CAPN14: variants seen among roughly 807,000 people sequenced by gnomAD.
CAPN14 encodes the protein calpain-14.
CAPN14 carries 94 observed loss-of-function variants against 101.3 expected under a neutral mutation model. The ratio of observed to expected loss-of-function variants is 0.93; its 90% confidence interval spans 0.79 to 1.10. CAPN14 has a LOEUF of 1.10. Ranked by LOEUF, CAPN14 falls within the 50% of genes least tolerant of loss-of-function variation. The pLI, the probability that CAPN14 is intolerant of heterozygous loss-of-function variation, is 0.00. For missense variants in CAPN14, 837 were observed against 828.4 expected, an observed-to-expected ratio of 1.01 and a Z score of -0.13; for synonymous variants, 338 against 317.9, an observed-to-expected ratio of 1.06 and a Z score of -0.67.
upstream of CAPN14, among the ~76,000 whole-genome samples, chr2:31,219,415 G>A (rs1018249447): frequency 6.6e-6 from 1 of 152,258 alleles, no homozygotes; most frequent in African/African-American, 2.4e-5. Context: ...GAAGGCAAGT[G>A]CATCTGGTGA....
chr2:31,212,574 T>C (rs557464807), intron 1 of CAPN14, among the ~76,000 whole-genome samples: 1 of 152,228 alleles, frequency 6.6e-6, no homozygotes, highest in Admixed American at 6.5e-5. Context: ...GGGCTCCATT[T>C]TAAAGTGGGA....
At chr2:31,222,359 A>T (rs1314533949), upstream of CAPN14, among the ~76,000 whole-genome samples, 1 of 152,090 alleles carries the variant, frequency 6.6e-6, no homozygotes, top group Non-Finnish European at 1.5e-5. Context: ...CTTCACTTTG[A>T]CCTGCCCTCT....
At chr2:31,183,474 T>A (rs1680750031) in intron 16 of CAPN14, among the ~76,000 whole-genome samples, 1 of 151,838 alleles carries the variant, frequency 6.6e-6, no homozygotes, top group Non-Finnish European at 1.5e-5. Flanking sequence ...TACAATGAAC[T>A]CACACAAATT....
chr2:31,230,208 A>G lies in CAPN14; in HGVS notation c.-176-3557T>C, dbSNP rs1293267371. 6.6e-6 allele frequency among the ~76,000 whole-genome samples: 1 copy of G among 152,150 alleles called. No homozygotes were observed. Among genetic ancestry groups the G allele is most frequent in the Non-Finnish European group, 1.5e-5 (1 of 68,022 alleles). ...CACCCTCCACCCTCAACTAGACCCC[A>G]GTGTGGTATATATTTTATATGAATG... On this transcript the variant is annotated intron_variant and NMD_transcript_variant, in intron 1 of 21. Transcript: ENST00000398824. The surrounding 1 kb of genome is among the most constrained non-coding windows in gnomAD (Gnocchi z 4.3).
In CAPN14 at chr2:31,202,016, C is replaced by T. The variant is rs1330309032; in HGVS notation, c.415-18G>A. On this transcript the variant is annotated intron_variant, in intron 4 of 21. Transcript: ENST00000403897. Reference sequence around the variant, plus strand: ...TGCCAGAACTGGAGGGAGAGAGTGGCCCCGGGTGAATGAGGACTGCTGCAG... The same window carrying T: ...TGCCAGAACTGGAGGGAGAGAGTGGTCCCGGGTGAATGAGGACTGCTGCAG... 2 of 1,551,230 alleles carry T rather than the reference C, an allele frequency of 1.3e-6. No homozygotes were observed. The highest frequency in any genetic ancestry group is 1.4e-5 in the African/African-American group (1 of 73,126).
At chr2:31,233,525 G>C (rs1030367493) in intron 1 of CAPN14, among the ~76,000 whole-genome samples, 1 of 152,160 alleles carries the variant, frequency 6.6e-6, no homozygotes, top group Non-Finnish European at 1.5e-5. Flanking sequence ...TCCTGGAAGG[G>C]AGAGTCTGTT....
chr2:31,220,416 A>T (rs1394822558), upstream of CAPN14, among the ~76,000 whole-genome samples: 1 of 152,232 alleles, frequency 6.6e-6, no homozygotes, highest in Non-Finnish European at 1.5e-5. Context: ...TTGCCAACAT[A>T]AGAGTAAAGC....
chr2:31,232,246 C>T (rs530186209), intron 1 of CAPN14, among the ~76,000 whole-genome samples: 1 of 152,268 alleles, frequency 6.6e-6, no homozygotes, highest in African/African-American at 2.4e-5. Flanking sequence ...GATCTTATCC[C>T]CTATGGTAGA....
chr2:31,201,901 T>C lies in CAPN14; in HGVS notation c.512A>G (p.Asn171Ser). 6.4e-7 allele frequency: 1 copy of C among 1,551,708 alleles called. No individual in the cohort carries two copies. Among genetic ancestry groups the C allele is most frequent in the Non-Finnish European group, 8.7e-7 (1 of 1,146,992 alleles). Residue 171 changes from asparagine to serine, a missense_variant, in exon 5 of 22, where the codon AAC becomes AGC. Transcript: ENST00000403897. ...TTCCAGAAGTGCTCCCCAGAACAAGTTCTTATAGGTGGAGGAGACAAAGAC... is the reference window on the plus strand; with the variant it reads ...TTCCAGAAGTGCTCCCCAGAACAAGCTCTTATAGGTGGAGGAGACAAAGAC... ...QLVFVSSTYK[N>S]LFWGALLEKA...
chr2:31,226,064 A>C (rs563905283), intron 2 of CAPN14, among the ~76,000 whole-genome samples: 1 of 152,348 alleles, frequency 6.6e-6, no homozygotes, highest in African/African-American at 2.4e-5. Context: ...AACAAAATAG[A>C]TAACTCTGAA....
intron 16 of CAPN14, among the ~76,000 whole-genome samples, chr2:31,184,367 T>C (rs148050297): frequency 1.3e-5 from 2 of 152,364 alleles, no homozygotes; most frequent in East Asian, 3.9e-4. Flanking sequence ...CTTTGACTTT[T>C]GCTTTCCCTT....
chr2:31,213,959 T>C (rs1196117694), intron 1 of CAPN14, among the ~76,000 whole-genome samples: 1 of 152,236 alleles, frequency 6.6e-6, no homozygotes, highest in East Asian at 1.9e-4. Context: ...TAGACATCTG[T>C]CTGCATTTAG....
At position 31,184,747 on chromosome 2, in the gene CAPN14, A is replaced by G. The variant is rs111288120; in HGVS notation, c.1645+1681T>C. ...CACAGAAGCTAACCCCTTTTATTTC[A>G]TGGAACACTTACTAAACCTCTTGGT... On this transcript the variant is annotated intron_variant, in intron 16 of 21. Transcript: ENST00000403897. 5.7e-3 allele frequency among the ~76,000 whole-genome samples: 868 copies of G among 152,354 alleles called. 9 individuals are homozygous for G. The highest frequency in any genetic ancestry group is 0.019 in the African/African-American group (798 of 41,574).
At chr2:31,212,441 T>C (rs1415290009) in intron 1 of CAPN14, among the ~76,000 whole-genome samples, 2 of 152,214 alleles carry the variant, frequency 1.3e-5, no homozygotes, top group African/African-American at 2.4e-5. Flanking sequence ...GTCTGATTCC[T>C]GTCCTACTGG....
At chr2:31,220,866 C>A (rs1236376906), upstream of CAPN14, among the ~76,000 whole-genome samples, 1 of 151,970 alleles carries the variant, frequency 6.6e-6, no homozygotes, top group African/African-American at 2.4e-5. Context: ...ATTTTCAAAA[C>A]CAGGATCCAA....
At chr2:31,188,459 G>T in intron 13 of CAPN14, 105 bp from the exon 14 acceptor site, 2 of 969,342 alleles carry the variant, frequency 2.1e-6, no homozygotes. Flanking sequence ...CTTCACTGAG[G>T]CACCACAAGG....
intron 6 of CAPN14, 21 bp downstream of exon 6, chr2:31,200,430 C>A: frequency 6.5e-7 from 1 of 1,540,898 alleles, no homozygotes; most frequent in Admixed American, 2.0e-5. Context: ...GGACATTCTG[C>A]CAGTGGCAGC....
intron 1 of CAPN14, among the ~76,000 whole-genome samples, chr2:31,211,954 G>A (rs1355335305): frequency 2.0e-5 from 3 of 152,140 alleles, no homozygotes; most frequent in Admixed American, 1.3e-4. Context: ...TAATGGAAAT[G>A]TTCTATATTG....
At chr2:31,190,137 T>TTCTCTCTCTCTCTCTCTC (rs3031867) in intron 12 of CAPN14, among the ~76,000 whole-genome samples, 91 of 142,762 alleles carry the variant, frequency 6.4e-4, no homozygotes, top group South Asian at 1.6e-3. Context: ...CTGATTCATA[T>TTCTCTCTCTCTCTCTCTC]TCTCTCTCTC....
Sources: allele counts gnomAD v4.1 joint callset (sites outside exome capture counted in the v4.1 genomes callset), GRCh38; gene constraint gnomAD v4.1.1; non-coding constraint Gnocchi (gnomAD v3.1); transcripts MANE v1.5; gene names NCBI Gene and HGNC (gene_info 2026-07-23, HGNC 2026-07-21).